Variants in TMTC1 observed in about 807,000 individuals in gnomAD.
TMTC1 encodes the protein protein O-mannosyl-transferase TMTC1.
In TMTC1, 73 loss-of-function variants were observed where a neutral mutation model predicts 104.8. That is an observed-to-expected ratio of 0.70 (90% confidence interval 0.58 to 0.85). The LOEUF is 0.85. TMTC1 is among the 40% of genes least tolerant of loss of function. The pLI, the probability that TMTC1 is intolerant of heterozygous loss-of-function variation, is 0.00. For missense variants in TMTC1, 1,035 were observed against 1,096.1 expected (o/e 0.94, Z 0.79); for synonymous variants, 434 against 428.7 (o/e 1.01, Z -0.15).
At chr12:29,725,474 T>C (rs1399289637) in intron 5 of TMTC1, among the ~76,000 whole-genome samples, 2 of 152,058 alleles carry the variant, frequency 1.3e-5, no homozygotes, top group Admixed American at 6.6e-5. Flanking sequence ...GCTGGGATTA[T>C]AGGCATGAGC....
chr12:29,556,943 T>C lies in TMTC1; in HGVS notation c.1590A>G (p.Thr530=), dbSNP rs769775808. 6.2e-7 allele frequency: 1 copy of C among 1,614,192 alleles called. No homozygotes were observed. The highest frequency in any genetic ancestry group is 1.1e-5 in the South Asian group (1 of 91,076). ...LNNLGTLTRD[T]AEAKMYYQRA... is the part of the protein sequence containing the mutation. ...TCTGATAGTACATCTTTGCCTCTGC[T>C]GTGTCTCTCGTCAGTGTTCCAAGGT... is the stretch of plus-strand genomic sequence containing the variant. Residue 530 remains threonine, a synonymous_variant, in exon 10 of 18, where the codon ACA becomes ACG. Transcript: ENST00000539277.
At chr12:29,649,543 T>C (rs997312844) in intron 5 of TMTC1, among the ~76,000 whole-genome samples, 2 of 152,232 alleles carry the variant, frequency 1.3e-5, no homozygotes, top group African/African-American at 4.8e-5. Flanking sequence ...ACCACCCTTC[T>C]AGAGAAGAAA....
intron 5 of TMTC1, among the ~76,000 whole-genome samples, chr12:29,656,357 C>G (rs1013672023): frequency 1.5e-5 from 2 of 129,966 alleles, no homozygotes; most frequent in Non-Finnish European, 3.3e-5. Context: ...TACACATATA[C>G]TTTTTTTTTT....
rs1302230975 is a variant in TMTC1 at position 29,695,689 on chromosome 12, T to G, written c.938+55977A>C. Among the ~76,000 whole-genome samples, 8 of 151,612 alleles carry G rather than the reference T, an allele frequency of 5.3e-5. No homozygotes were observed. The East Asian group carries it at 1.6e-3, about 30-fold the overall frequency. On this transcript the variant is annotated intron_variant, in intron 5 of 17. Transcript: ENST00000539277. ...TTACGATATAACCCAAAAGTTTAAG[T>G]ATTTTAAAGGACTTGACAATACTCA...
At chr12:29,596,661 C>T (rs758806788) in intron 7 of TMTC1, among the ~76,000 whole-genome samples, 5 of 152,214 alleles carry the variant, frequency 3.3e-5, no homozygotes, top group African/African-American at 1.2e-4. Context: ...ACTGAAAATG[C>T]ACATCAACCT....
intron 5 of TMTC1, among the ~76,000 whole-genome samples, chr12:29,655,072 T>TG (rs1167806920): frequency 6.6e-6 from 1 of 152,040 alleles, no homozygotes; most frequent in African/African-American, 2.4e-5. Flanking sequence ...TTAGTAGAGA[T>TG]GGGGTTTTAC....
chr12:29,595,765 C>A (rs1348894602), intron 7 of TMTC1, among the ~76,000 whole-genome samples: 1 of 152,170 alleles, frequency 6.6e-6, no homozygotes, highest in Non-Finnish European at 1.5e-5. Flanking sequence ...CTTTTGAACC[C>A]CTTTGTAGGT....
intron 6 of TMTC1, among the ~76,000 whole-genome samples, chr12:29,608,939 CAA>C (rs997354730): frequency 1.3e-5 from 2 of 152,094 alleles, no homozygotes; most frequent in Non-Finnish European, 2.9e-5. Flanking sequence ...AATTCACAGG[CAA>C]AGACACGCAC....
chr12:29,728,391 C>T (rs545684390), intron 5 of TMTC1, among the ~76,000 whole-genome samples: 90 of 152,192 alleles, frequency 5.9e-4, no homozygotes, highest in African/African-American at 2.1e-3. Flanking sequence ...GCCAAGGAAA[C>T]GCCAATGGCA....
chr12:29,625,704 C>T (rs959651801), intron 6 of TMTC1, among the ~76,000 whole-genome samples: 1 of 152,236 alleles, frequency 6.6e-6, no homozygotes. Context: ...ATCAAAGACA[C>T]TCTGGGGAGG....
intron 8 of TMTC1, among the ~76,000 whole-genome samples, chr12:29,579,780 T>G (rs535603613): frequency 5.9e-5 from 9 of 152,344 alleles, no homozygotes; most frequent in African/African-American, 2.2e-4. Flanking sequence ...AAACAGCTTC[T>G]TACTGTAAGA....
At chr12:29,725,195 G>GT (rs112412169) in intron 5 of TMTC1, among the ~76,000 whole-genome samples, 20,283 of 143,768 alleles carry the variant, frequency 0.14, 1,908 homozygotes, top group African/African-American at 0.27. Context: ...TTTTTGTTTT[G>GT]TTTTTTTTTT....
intron 10 of TMTC1, among the ~76,000 whole-genome samples, chr12:29,548,609 T>C (rs1449690111): frequency 6.6e-6 from 1 of 152,024 alleles, no homozygotes; most frequent in East Asian, 1.9e-4. Context: ...CCTTGCACCA[T>C]AATGGTGAGG....
intron 11 of TMTC1, chr12:29,533,204 T>G (rs1211029621): frequency 6.6e-6 from 1 of 152,236 alleles, no homozygotes; most frequent in Non-Finnish European, 1.5e-5. Flanking sequence ...CCATATAATG[T>G]CTTTTCAACT....
intron 5 of TMTC1, among the ~76,000 whole-genome samples, chr12:29,719,919 G>A (rs915627745): frequency 6.6e-6 from 1 of 152,116 alleles, no homozygotes; most frequent in African/African-American, 2.4e-5. Context: ...ACCTCTATCT[G>A]TTCCTGTGTC....
intron 5 of TMTC1, among the ~76,000 whole-genome samples, chr12:29,648,231 C>A (rs1939357049): frequency 6.6e-6 from 1 of 152,142 alleles, no homozygotes; most frequent in Non-Finnish European, 1.5e-5. Context: ...GACTTCAGAA[C>A]TCATACTTTA....
chr12:29,664,748 A>AATAGCTG (rs1940209610), intron 5 of TMTC1, among the ~76,000 whole-genome samples: 1 of 152,236 alleles, frequency 6.6e-6, no homozygotes, highest in African/African-American at 2.4e-5. Context: ...ATGACATCAG[A>AATAGCTG]TTCTCTCAGC....
chr12:29,668,866 G>A (rs1217944466), intron 5 of TMTC1, among the ~76,000 whole-genome samples: 6 of 152,226 alleles, frequency 3.9e-5, no homozygotes, highest in Admixed American at 2.6e-4. Flanking sequence ...AGTTAACAGT[G>A]CACAATTTTT....
intron 7 of TMTC1, among the ~76,000 whole-genome samples, chr12:29,586,847 T>C (rs1407497229): frequency 6.6e-6 from 1 of 151,780 alleles, no homozygotes; most frequent in Admixed American, 6.6e-5. Context: ...CAGTATTTTA[T>C]TGAGGATTTT....
Sources: gnomAD v4.1 joint callset for allele counts (sites outside exome capture counted in the v4.1 genomes callset) on GRCh38, gnomAD v4.1.1 for gene constraint, MANE v1.5 for transcripts, NCBI Gene and HGNC (gene_info 2026-07-23, HGNC 2026-07-21) for gene names.